TANC2: variants seen among roughly 807,000 people sequenced by gnomAD.
The protein encoded by TANC2 is tetratricopeptide repeat, ankyrin repeat and coiled-coil containing 2.
In TANC2, 26 loss-of-function variants were observed where a neutral mutation model predicts 210.5. The observed-to-expected ratio is 0.12, with a 90% CI of 0.09 to 0.17. The LOEUF (loss-of-function observed/expected upper bound fraction) is 0.17, where lower values mean the gene tolerates loss of function less well. Ranked by LOEUF, TANC2 falls within the 10% of genes least tolerant of loss-of-function variation. TANC2 has a pLI of 1.00. For missense variants in TANC2, 2,129 were observed against 2,608.9 expected, an observed-to-expected ratio of 0.82 and a Z score of 4.01; for synonymous variants, 931 against 967.1, an observed-to-expected ratio of 0.96 and a Z score of 0.69.
intron 7 of TANC2, among the ~76,000 whole-genome samples, chr17:63,215,906 C>T (rs962950702): frequency 2.0e-4 from 30 of 152,012 alleles, no homozygotes; most frequent in African/African-American, 5.6e-4. Context: ...TCCGCCACCA[C>T]GCCCAGCTAA....
At chr17:63,312,188 C>T (rs2045147428) in intron 9 of TANC2, among the ~76,000 whole-genome samples, 2 of 152,104 alleles carry the variant, frequency 1.3e-5, no homozygotes, top group African/African-American at 4.8e-5. Flanking sequence ...GTTTATTTTT[C>T]ATCAAATTCT....
intron 10 of TANC2, 33 bp from the exon 11 acceptor site, chr17:63,318,924 T>A (rs769090217): frequency 6.8e-6 from 11 of 1,610,954 alleles, no homozygotes; most frequent in East Asian, 6.7e-5. Flanking sequence ...TTTATGATTA[T>A]CTGATGCAAA....
At chr17:63,140,396 G>T (rs1221179890) in intron 4 of TANC2, among the ~76,000 whole-genome samples, 4 of 152,162 alleles carry the variant, frequency 2.6e-5, no homozygotes, top group Admixed American at 2.6e-4. Context: ...ACAAATGTTG[G>T]CAACTCTCCA....
chr17:63,224,069 G>T (rs1263340235), intron 7 of TANC2, among the ~76,000 whole-genome samples: 1 of 151,984 alleles, frequency 6.6e-6, no homozygotes, highest in Admixed American at 6.6e-5. Context: ...AACTAATTTA[G>T]ATCTGAAACC....
At chr17:63,396,045 C>G (rs1424529902) in intron 18 of TANC2, 117 bp downstream of exon 18, 10 of 925,850 alleles carry the variant, frequency 1.1e-5, no homozygotes, top group Non-Finnish European at 1.6e-5. Context: ...AATTCGTGAT[C>G]GCTGCTCTGA....
rs190952256 is a variant in TANC2 at position 63,079,061 on chromosome 17, A to C, written c.139+5047A>C. On this transcript the variant is annotated intron_variant, in intron 3 of 27. Transcript: ENST00000689528. The stretch of plus-strand genomic sequence containing the variant: ...TTCCTTGTACCACTGGTCCTCTGAT[A>C]AGAAAAATTCCTCTTCCTCAGAGAT... Among the ~76,000 whole-genome samples, 105 of 152,276 alleles carry C rather than the reference A, an allele frequency of 6.9e-4. 1 individual carries two copies. Among genetic ancestry groups the C allele is most frequent in the African/African-American group, 2.5e-3 (103 of 41,548 alleles).
intron 9 of TANC2, among the ~76,000 whole-genome samples, chr17:63,289,685 C>G (rs542467069): frequency 6.6e-6 from 1 of 152,320 alleles, no homozygotes; most frequent in African/African-American, 2.4e-5. Flanking sequence ...TCTGCCATGT[C>G]TGGTTCTGAT....
At position 63,055,650 on chromosome 17, in the gene TANC2, C is replaced by CTTT. The variant is rs369794571; in HGVS notation, c.68-18280_68-18278dup. Among the ~76,000 whole-genome samples, 114 of 138,674 alleles carry CTTT rather than the reference C, an allele frequency of 8.2e-4. 1 individual carries two copies. Among genetic ancestry groups the CTTT allele is most frequent in the African/African-American group, 2.9e-3 (110 of 38,002 alleles). The allele number at this position is 138,674 out of a possible 152,430, so 91.0% of individuals were successfully genotyped here. On this transcript the variant is annotated intron_variant, in intron 2 of 27. Transcript: ENST00000689528. The stretch of plus-strand genomic sequence containing the variant: ...AATCAGTATTATGCAAACATCTTCA[C>CTTT]TTTTTTTTTTTTTTTGACAACTGAA...
chr17:63,184,575 C>G (rs1449675861), intron 5 of TANC2, among the ~76,000 whole-genome samples: 2 of 152,108 alleles, frequency 1.3e-5, no homozygotes, highest in Non-Finnish European at 2.9e-5. Context: ...CAAACATACC[C>G]ACTGTTCTGA....
chr17:63,029,266 T>G (rs2034672071), intron 2 of TANC2, among the ~76,000 whole-genome samples: 1 of 152,138 alleles, frequency 6.6e-6, no homozygotes, highest in South Asian at 2.1e-4. Flanking sequence ...TCCATAGTTT[T>G]GATTAGGAAA....
intron 10 of TANC2, among the ~76,000 whole-genome samples, chr17:63,318,355 A>T (rs1421305974): frequency 6.6e-6 from 1 of 152,244 alleles, no homozygotes; most frequent in Admixed American, 6.5e-5. Context: ...CATACTATGT[A>T]ATTCACCCAT....
intron 9 of TANC2, among the ~76,000 whole-genome samples, chr17:63,301,563 C>A (rs565268145): frequency 2.6e-4 from 40 of 152,258 alleles, no homozygotes; most frequent in African/African-American, 9.6e-4. Context: ...AGTTTATTTG[C>A]ATAGAGGTGT....
At chr17:63,298,913 C>T (rs1374326547) in intron 9 of TANC2, among the ~76,000 whole-genome samples, 1 of 152,124 alleles carries the variant, frequency 6.6e-6, no homozygotes, top group Non-Finnish European at 1.5e-5. Flanking sequence ...AATGCTCTTC[C>T]TCCCCTTGCC....
intron 9 of TANC2, among the ~76,000 whole-genome samples, chr17:63,301,463 A>C (rs1185694603): frequency 6.6e-6 from 1 of 152,162 alleles, no homozygotes; most frequent in Non-Finnish European, 1.5e-5. Context: ...AGAACTTGTT[A>C]CTGGTCTATT....
chr17:63,262,616 C>T (rs1157594416), intron 8 of TANC2, among the ~76,000 whole-genome samples: 1 of 148,914 alleles, frequency 6.7e-6, no homozygotes, highest in African/African-American at 2.5e-5. Flanking sequence ...GGGTCTGAAT[C>T]CCTAGTAGTC....
intron 9 of TANC2, among the ~76,000 whole-genome samples, chr17:63,269,067 G>A (rs750774436): frequency 6.6e-6 from 1 of 152,074 alleles, no homozygotes; most frequent in Non-Finnish European, 1.5e-5. Flanking sequence ...CAATTCCCAT[G>A]GGAAGGAATT....
intron 1 of TANC2, among the ~76,000 whole-genome samples, chr17:63,003,855 T>TA (rs564741934): frequency 5.5e-4 from 84 of 152,360 alleles, no homozygotes; most frequent in Non-Finnish European, 1.5e-4. Context: ...AAGAATCCTT[T>TA]GTCTACCTGT....
chr17:63,411,889 C>G, intron 22 of TANC2, 109 bp from the exon 23 acceptor site: 1 of 1,511,018 alleles, frequency 6.6e-7, no homozygotes, highest in Middle Eastern at 1.8e-4. Context: ...GCAGCATAGC[C>G]TGGGGTAGGC....
At chr17:63,045,404 A>G (rs1182531171) in intron 2 of TANC2, among the ~76,000 whole-genome samples, 2 of 152,252 alleles carry the variant, frequency 1.3e-5, no homozygotes, top group African/African-American at 4.8e-5. Context: ...TCTGTTAAAT[A>G]GAAGTTTAAA....
Sources: gnomAD v4.1 joint callset for allele counts (sites outside exome capture counted in the v4.1 genomes callset) on GRCh38, gnomAD v4.1.1 for gene constraint, MANE v1.5 for transcripts, NCBI Gene and HGNC (gene_info 2026-07-23, HGNC 2026-07-21) for gene names.